FBH1: variants seen among roughly 807,000 people sequenced by gnomAD.
FBH1 encodes F-box DNA helicase 1, also known as DNA 3'-5' helicase 1.
FBH1 carries 43 observed loss-of-function variants against 115.5 expected under a neutral mutation model. The ratio of observed to expected loss-of-function variants is 0.37; its 90% CI spans 0.29 to 0.48. The LOEUF is 0.48. Among genes scored for constraint, FBH1 ranks in the 20% least tolerant of loss-of-function variants. The pLI is 0.99. For missense variants in FBH1, 1,001 were observed against 1,337.3 expected (o/e 0.75, Z 3.92); for synonymous variants, 524 against 507.8 (o/e 1.03, Z -0.43).
At position 5,909,529 on chromosome 10, in the gene FBH1, AT is replaced by A; in HGVS notation, c.1020+238del. On this transcript the variant is annotated intron_variant, in intron 5 of 20. Transcript: ENST00000362091. The surrounding 1 kb of genome is among the most constrained non-coding windows in gnomAD (Gnocchi z 4.4). ...AACAAATCATTTAGTCTGATTTCCC[AT>A]TTGGTTGAGGAATCTTCTCTGAAAT... 1 of 469,502 alleles carries A rather than the reference AT, an allele frequency of 2.1e-6. No homozygotes were observed. Among genetic ancestry groups the A allele is most frequent in the Non-Finnish European group, 3.7e-6 (1 of 273,540 alleles). 29.1% of individuals were successfully genotyped at this position (469,502 alleles called of 1,614,324 possible).
chr10:5,889,967 G>T (rs1365708453), upstream of FBH1: 2 of 194,454 alleles, frequency 1.0e-5, no homozygotes, highest in Non-Finnish European at 1.0e-5. Flanking sequence ...GCTGCTCCGC[G>T]GGGACTCGGG....
In FBH1 at chr10:5,895,137, G is replaced by C; in HGVS notation, c.1+4791G>C. On this transcript the variant is annotated intron_variant, in intron 1 of 20. Transcript: ENST00000362091. This position sits in a 1 kb window ranked among gnomAD's most constrained non-coding sequence, Gnocchi z 5.0. ...GGGCCCCTGGGCCATCTCCACAGGA[G>C]ATGCCAGAGGACGAGTGCCCACTTG... is the stretch of plus-strand genomic sequence containing the variant. 1 of 1,613,998 alleles carries C rather than the reference G, an allele frequency of 6.2e-7. No homozygotes were observed. Among genetic ancestry groups the C allele is most frequent in the Non-Finnish European group, 8.5e-7 (1 of 1,179,928 alleles).
chr10:5,921,597 C>T lies in FBH1; in HGVS notation c.2322+28C>T. Reference sequence around the variant, plus strand: ...AAGAGTACATTTCTGTTGACCACTTCATGCACAGAAACGTTGTAGACGAAC... The same window carrying T: ...AAGAGTACATTTCTGTTGACCACTTTATGCACAGAAACGTTGTAGACGAAC... On this transcript the variant is annotated intron_variant, in intron 15 of 20. Coordinates refer to ENST00000362091, the MANE Select transcript of FBH1 (RefSeq NM_178150.3). The surrounding 1 kb of genome is among the most constrained non-coding windows in gnomAD (Gnocchi z 6.4). 1 of 1,584,274 alleles carries T rather than the reference C, an allele frequency of 6.3e-7. No individual in the cohort carries two copies. Among genetic ancestry groups the T allele is most frequent in the Non-Finnish European group, 8.5e-7 (1 of 1,172,970 alleles).
chr10:5,920,313 G>A (rs1004772108), intron 13 of FBH1, among the ~76,000 whole-genome samples: 3 of 152,218 alleles, frequency 2.0e-5, no homozygotes, highest in African/African-American at 7.2e-5. Flanking sequence ...TGTCACCATG[G>A]CTCATGACTT....
At chr10:5,896,969 T>A (rs996918534) in intron 1 of FBH1, among the ~76,000 whole-genome samples, 1 of 152,222 alleles carries the variant, frequency 6.6e-6, no homozygotes, top group African/African-American at 2.4e-5. Context: ...GAACTGCTTT[T>A]TAAAAAGGTA....
At position 5,925,640 on chromosome 10, in the gene FBH1, G is replaced by A. The variant is rs1234426097; in HGVS notation, c.2722+148G>A. 4 of 1,195,876 alleles carry A rather than the reference G, an allele frequency of 3.3e-6. No homozygotes were observed. In the African/African-American group the frequency reaches 4.6e-5, roughly 14 times the overall value. 74.1% of individuals were successfully genotyped at this position (1,195,876 alleles called of 1,614,324 possible). On this transcript the variant is annotated intron_variant, in intron 18 of 20. Coordinates refer to ENST00000362091, the MANE Select transcript of FBH1 (RefSeq NM_178150.3). The surrounding 1 kb of genome is among the most constrained non-coding windows in gnomAD (Gnocchi z 4.6). ...AAACTAAACCACAAAACACCTCCTA[G>A]TCCTAAACTTTTGATTCTTATACTG...
In FBH1 at chr10:5,906,046, G is replaced by A. The variant is rs1404123901; in HGVS notation, c.167G>A (p.Ser56Asn). Reference protein sequence around the residue: ...RTKRGSRGQGSQRCIPEFFLA... With the variant: ...RTKRGSRGQGNQRCIPEFFLA... ...TGGGTTCTCTCTACAGGTCAGGGAAGTCAAAGATGCATCCCTGAGTTCTTC... is the reference window on the plus strand; with the variant it reads ...TGGGTTCTCTCTACAGGTCAGGGAAATCAAAGATGCATCCCTGAGTTCTTC... The change falls in exon 3 of 21, where the codon AGT becomes AAT. Residue 56 changes from serine (S) to asparagine (N), a missense_variant. By Grantham distance (46) the Ser-to-Asn change is conservative. Around this residue, in one of 4 missense-constraint regions of FBH1, gnomAD observed 420 missense variants for 430.4 expected, o/e 0.98. Transcript: ENST00000362091. The surrounding 1 kb of genome is among the most constrained non-coding windows in gnomAD (Gnocchi z 7.3). 1.2e-6 allele frequency: 2 copies of A among 1,607,598 alleles called. No individual in the cohort carries two copies. Among genetic ancestry groups the A allele is most frequent in the South Asian group, 1.1e-5 (1 of 90,990 alleles).
At chr10:5,928,875 G>T (rs1832808505) in intron 19 of FBH1, among the ~76,000 whole-genome samples, 1 of 152,122 alleles carries the variant, frequency 6.6e-6, no homozygotes, top group Non-Finnish European at 1.5e-5. Flanking sequence ...ACTCTTTCTT[G>T]CTTAGCTGTC....
rs779130713 is a variant in FBH1 at position 5,917,713 on chromosome 10, C to A, written c.1963+37C>A. ...TTCAGGACATCAGTAGTGTCAAATA[C>A]GTAGAAACAGCGCCATGATTATGTA... On this transcript the variant is annotated intron_variant, in intron 12 of 20. Coordinates refer to ENST00000362091, the MANE Select transcript of FBH1 (RefSeq NM_178150.3). The surrounding 1 kb of genome is among the most constrained non-coding windows in gnomAD (Gnocchi z 5.6). 6.7e-7 allele frequency: 1 copy of A among 1,497,328 alleles called. No homozygotes were observed. The highest frequency in any genetic ancestry group is 2.3e-5 in the East Asian group (1 of 44,214). The allele number at this position is 1,497,328 out of a possible 1,614,324, so 92.8% of individuals were successfully genotyped here.
In FBH1 at chr10:5,906,294, C is replaced by G; in HGVS notation, c.415C>G (p.Arg139Gly). ...GAGTAACCAGGCTACCGGGACCAGC[C>G]GGTGGGATGGAGTTTCTAAGAAAGC... ...EESNQATGTS[R>G]WDGVSKKAPR... The change falls in exon 3 of 21, where the codon CGG (arginine) becomes GGG (glycine). Residue 139 changes from arginine (R) to glycine (G), a missense_variant. By Grantham distance (125) the Arg-to-Gly change is moderately radical. Around this residue, in one of 4 missense-constraint regions of FBH1, gnomAD observed 420 missense variants for 430.4 expected, o/e 0.98. Transcript: ENST00000362091. The surrounding 1 kb of genome is among the most constrained non-coding windows in gnomAD (Gnocchi z 7.3). 6.2e-7 allele frequency: 1 copy of G among 1,614,194 alleles called. No individual in the cohort carries two copies. Among genetic ancestry groups the G allele is most frequent in the Admixed American group, 1.7e-5 (1 of 60,026 alleles).
At chr10:5,919,974 C>T (rs1446755497) in intron 13 of FBH1, among the ~76,000 whole-genome samples, 2 of 152,200 alleles carry the variant, frequency 1.3e-5, no homozygotes, top group Non-Finnish European at 1.5e-5. Context: ...AACATTGATA[C>T]ATTATTATGG....
upstream of FBH1, chr10:5,889,935 C>A (rs1052153786): frequency 5.8e-6 from 1 of 173,792 alleles, no homozygotes; most frequent in Non-Finnish European, 1.2e-5. Context: ...GGCTCCGCCC[C>A]CGTCCCCGCC....
At position 5,934,010 on chromosome 10, in the gene FBH1, G is replaced by T. The variant is rs539943786; in HGVS notation, c.2830-2446G>T. ...AATTTGGGGATATCCTGTTTCAGAA[G>T]TGTCGAGTCCAGTCTCTGCCCAGGA... is the stretch of plus-strand genomic sequence containing the variant. On this transcript the variant is annotated intron_variant, in intron 19 of 20. Transcript: ENST00000362091. Among the ~76,000 whole-genome samples, 32 of 152,274 alleles carry T rather than the reference G, an allele frequency of 2.1e-4. 2 individuals are homozygous for T. Among genetic ancestry groups the T allele is most frequent in the Admixed American group, 2.1e-3 (32 of 15,292 alleles).
chr10:5,913,106 G>A lies in FBH1; in HGVS notation c.1212-641G>A, dbSNP rs971601475. Among the ~76,000 whole-genome samples, 2 of 152,126 alleles carry A rather than the reference G, an allele frequency of 1.3e-5. No homozygotes were observed. Among genetic ancestry groups the A allele is most frequent in the Admixed American group, 1.3e-4 (2 of 15,272 alleles). On this transcript the variant is annotated intron_variant, in intron 6 of 20. Coordinates refer to ENST00000362091, the MANE Select transcript of FBH1 (RefSeq NM_178150.3). The surrounding 1 kb of genome is among the most constrained non-coding windows in gnomAD (Gnocchi z 4.4). ...AGACTTGGAGAGGCTTTGGAACGGC[G>A]TGTGCCAGCTGAGTCTGACGAGTCT... is the stretch of plus-strand genomic sequence containing the variant.
chr10:5,895,172 A>G lies in FBH1; in HGVS notation c.1+4826A>G. The G allele has an allele frequency of 6.2e-7, 1 of 1,613,602 alleles. No homozygotes were observed. Among genetic ancestry groups the G allele is most frequent in the Non-Finnish European group, 8.5e-7 (1 of 1,179,666 alleles). On this transcript the variant is annotated intron_variant, in intron 1 of 20. Coordinates refer to ENST00000362091, the MANE Select transcript of FBH1 (RefSeq NM_178150.3). The surrounding 1 kb of genome is among the most constrained non-coding windows in gnomAD (Gnocchi z 5.0). Reference sequence around the variant, plus strand: ...GACGAGTGCCCACTTGCTGGTCTTCACAGAGCACGCTGAAAGTAAGAGGCA... The same window carrying G: ...GACGAGTGCCCACTTGCTGGTCTTCGCAGAGCACGCTGAAAGTAAGAGGCA...
chr10:5,917,156 T>G lies in FBH1; in HGVS notation c.1789-264T>G. 1 of 457,638 alleles carries G rather than the reference T, an allele frequency of 2.2e-6. No homozygotes were observed. The highest frequency in any genetic ancestry group is 4.0e-6 in the Non-Finnish European group (1 of 252,144). The allele number at this position is 457,638 out of a possible 1,614,324, so 28.3% of individuals were successfully genotyped here. A position where few individuals can be genotyped will look rare whatever the true frequency, so the allele number is the denominator to read the frequency against. On this transcript the variant is annotated intron_variant, in intron 10 of 20. Coordinates refer to ENST00000362091, the MANE Select transcript of FBH1 (RefSeq NM_178150.3). The surrounding 1 kb of genome is among the most constrained non-coding windows in gnomAD (Gnocchi z 5.6). ...CAGTCATAAATCTAGAAGAACAATTTGGCCTTTTCTGGTTCACCTAACTGT... is the reference window on the plus strand; with the variant it reads ...CAGTCATAAATCTAGAAGAACAATTGGGCCTTTTCTGGTTCACCTAACTGT...
chr10:5,911,199 C>A lies in FBH1; in HGVS notation c.1211+71C>A. 1.4e-6 allele frequency: 2 copies of A among 1,460,412 alleles called. No homozygotes were observed. The highest frequency in any genetic ancestry group is 1.3e-5 in the South Asian group (1 of 78,966). 90.5% of individuals were successfully genotyped at this position (1,460,412 alleles called of 1,614,324 possible). ...GTCCCAGACACAGCAGCAGGTCCAG[C>A]CCTGCCACTTAGCAGTGTTAGCACC... On this transcript the variant is annotated intron_variant, in intron 6 of 20. Coordinates refer to ENST00000362091, the MANE Select transcript of FBH1 (RefSeq NM_178150.3). The surrounding 1 kb of genome is among the most constrained non-coding windows in gnomAD (Gnocchi z 5.4).
chr10:5,925,295 CAT>C lies in FBH1; in HGVS notation c.2597-71_2597-70del, dbSNP rs1345879719. On this transcript the variant is annotated intron_variant, in intron 17 of 20. Coordinates refer to ENST00000362091, the MANE Select transcript of FBH1 (RefSeq NM_178150.3). The surrounding 1 kb of genome is among the most constrained non-coding windows in gnomAD (Gnocchi z 4.6). ...TTCGAGTTCAGAGTCAAGTGGGAAA[CAT>C]GTATGTTTTTGTCATCTTGTTTCTT... 28 of 1,572,152 alleles carry C rather than the reference CAT, an allele frequency of 1.8e-5. 1 individual carries two copies. Among genetic ancestry groups the C allele is most frequent in the South Asian group, 5.8e-5 (5 of 85,784 alleles).
chr10:5,916,471 G>T lies in FBH1; in HGVS notation c.1788+15G>T. On this transcript the variant is annotated intron_variant, in intron 10 of 20. Transcript: ENST00000362091. ...GTGAAAAACTGGTGAGTGTCTAAGT[G>T]TCTGAAGTGTTAGGGATCTGAGGAT... 6.4e-7 allele frequency: 1 copy of T among 1,571,798 alleles called. No individual in the cohort carries two copies. Among genetic ancestry groups the T allele is most frequent in the Non-Finnish European group, 8.7e-7 (1 of 1,155,496 alleles).
Sources: gnomAD v4.1 joint callset for allele counts (sites outside exome capture counted in the v4.1 genomes callset) on GRCh38, gnomAD v4.1.1 for gene constraint, gnomAD v4.1.1 regional missense constraint, Gnocchi (gnomAD v3.1) non-coding constraint, MANE v1.5 for transcripts, NCBI Gene and HGNC (gene_info 2026-07-23, HGNC 2026-07-21) for gene names.